Variants in PTK2 observed in about 807,000 individuals in gnomAD.
The protein encoded by PTK2 is protein tyrosine kinase 2.
In PTK2, 45 loss-of-function variants were observed where a neutral mutation model predicts 150.1. The observed-to-expected ratio is 0.30, with a 90% CI of 0.24 to 0.38. The LOEUF (loss-of-function observed/expected upper bound fraction) is 0.38, where lower values mean the gene tolerates loss of function less well. Among genes scored for constraint, PTK2 ranks in the 10% least tolerant of loss-of-function variants. The pLI is 1.00. For synonymous variants in PTK2, 432 were observed against 449.2 expected, an observed-to-expected ratio of 0.96 and a Z score of 0.48; for missense variants, 919 against 1,307.3, an observed-to-expected ratio of 0.70 and a Z score of 4.58.
At position 140,752,327 on chromosome 8, in the gene PTK2, G is replaced by A. The variant is rs2100063235; in HGVS notation, c.1333-11C>T. ...CAAAGCTGGATTCTCCTGTGTTAGG[G>A]AAATTATAGAATCACACACACATGC... On this transcript the variant is annotated splice_polypyrimidine_tract_variant and intron_variant, in intron 16 of 31. Coordinates refer to ENST00000522684, the Ensembl canonical transcript of PTK2. 1.2e-6 allele frequency: 2 copies of A among 1,609,434 alleles called. No individual in the cohort carries two copies. Among genetic ancestry groups the A allele is most frequent in the South Asian group, 1.1e-5 (1 of 90,942 alleles).
intron 23 of PTK2, among the ~76,000 whole-genome samples, chr8:140,709,913 T>A (rs560180775): frequency 6.6e-6 from 1 of 152,224 alleles, no homozygotes; most frequent in Admixed American, 6.5e-5. Context: ...CAGCCCTCCA[T>A]ATCCAAAGGC....
intron 27 of PTK2, among the ~76,000 whole-genome samples, chr8:140,676,413 A>AATAAATTAATTAATTAATTAATTAAT (rs1554666252): frequency 1.0e-5 from 1 of 99,414 alleles, no homozygotes; most frequent in Non-Finnish European, 1.9e-5. Flanking sequence ...TTAATTAATT[A>AATAAATTAATTAATTAATTAATTAAT]ATATATATAT....
At chr8:140,792,682 GAGA>G (rs772178229) in intron 13 of PTK2, among the ~76,000 whole-genome samples, 16 of 152,306 alleles carry the variant, frequency 1.1e-4, no homozygotes, top group Non-Finnish European at 1.6e-4. Context: ...ACTGGCTATG[GAGA>G]AGAAGGAGAG....
intron 26 of PTK2, among the ~76,000 whole-genome samples, chr8:140,697,797 G>C (rs1238762313): frequency 2.1e-5 from 3 of 141,976 alleles, no homozygotes; most frequent in Non-Finnish European, 4.5e-5. Context: ...AGACATTTTA[G>C]ATAATATATT....
intron 1 of PTK2, among the ~76,000 whole-genome samples, chr8:140,979,493 A>C (rs2100190589): frequency 6.6e-6 from 1 of 152,164 alleles, no homozygotes; most frequent in Non-Finnish European, 1.5e-5. Context: ...CATCATTACT[A>C]ATAAGGGAAG....
chr8:140,754,123 C>T (rs115120439), intron 16 of PTK2, among the ~76,000 whole-genome samples: 6 of 152,176 alleles, frequency 3.9e-5, no homozygotes, highest in East Asian at 3.8e-4. Flanking sequence ...ACTGTATCAT[C>T]GACTCAGGGA....
intron 4 of PTK2, among the ~76,000 whole-genome samples, chr8:140,874,153 C>T (rs1025480742): frequency 6.6e-6 from 1 of 152,172 alleles, no homozygotes; most frequent in African/African-American, 2.4e-5. Context: ...CTCCCAGTGA[C>T]ATGTCATGAC....
chr8:140,820,076 GTTTTTTT>G (rs370537018), intron 8 of PTK2, among the ~76,000 whole-genome samples: 9 of 50,194 alleles, frequency 1.8e-4, no homozygotes, highest in Non-Finnish European at 3.3e-4. Flanking sequence ...TCTGACTTTG[GTTTTTTT>G]TTTTTTTTTT....
At chr8:140,995,083 CAAA>C (rs35987927) in intron 1 of PTK2, among the ~76,000 whole-genome samples, 17 of 122,284 alleles carry the variant, frequency 1.4e-4, no homozygotes, top group African/African-American at 3.8e-4. Flanking sequence ...AACTCTGTCT[CAAA>C]AAAAAAAAAA....
intron 19 of PTK2, 111 bp from the exon 23 acceptor site, chr8:140,743,441 G>A (rs2154458460): frequency 1.6e-6 from 1 of 634,788 alleles, no homozygotes; most frequent in South Asian, 2.4e-5. Flanking sequence ...TATATACAAT[G>A]CGAGCAGATT....
chr8:140,689,055 T>C (rs1391142482), intron 26 of PTK2, among the ~76,000 whole-genome samples: 2 of 152,078 alleles, frequency 1.3e-5, no homozygotes, highest in African/African-American at 4.8e-5. Context: ...ACTTCTAGGA[T>C]AGAATCTTCT....
At chr8:140,978,789 C>T (rs905271398) in intron 1 of PTK2, among the ~76,000 whole-genome samples, 1 of 133,336 alleles carries the variant, frequency 7.5e-6, no homozygotes, top group Admixed American at 7.4e-5. Context: ...ATAAATCATG[C>T]TGCTATAAAG....
At chr8:140,792,835 C>G (rs1355342492) in intron 13 of PTK2, among the ~76,000 whole-genome samples, 1 of 152,172 alleles carries the variant, frequency 6.6e-6, no homozygotes, top group Non-Finnish European at 1.5e-5. Flanking sequence ...ACCTATGTAT[C>G]TGATTGTTTA....
At chr8:140,996,782 C>T (rs531352043) in intron 1 of PTK2, among the ~76,000 whole-genome samples, 3 of 152,342 alleles carry the variant, frequency 2.0e-5, no homozygotes, top group African/African-American at 7.2e-5. Flanking sequence ...GGCCAAGTAC[C>T]TGTTGTCCAA....
intron 1 of PTK2, among the ~76,000 whole-genome samples, chr8:140,936,338 C>T (rs997519883): frequency 2.0e-5 from 3 of 152,118 alleles, no homozygotes; most frequent in Middle Eastern, 3.2e-3. Flanking sequence ...GATAAATCAA[C>T]GTCATCCTAA....
At chr8:140,905,340 C>T (rs973226469) in intron 2 of PTK2, among the ~76,000 whole-genome samples, 2 of 130,710 alleles carry the variant, frequency 1.5e-5, no homozygotes, top group African/African-American at 5.0e-5. Flanking sequence ...ATTTACCAAG[C>T]ACATGGAAAG....
intron 1 of PTK2, among the ~76,000 whole-genome samples, chr8:140,940,979 T>C (rs1022209339): frequency 6.6e-6 from 1 of 151,800 alleles, no homozygotes; most frequent in Non-Finnish European, 1.5e-5. Flanking sequence ...TCAAAAAAAA[T>C]TTTTTTAATT....
intron 14 of PTK2, chr8:140,765,075 C>T (rs976934721): frequency 8.5e-5 from 13 of 152,182 alleles, no homozygotes; most frequent in African/African-American, 2.9e-4. Flanking sequence ...AACACCTATA[C>T]TGAAAAAATC....
intron 1 of PTK2, among the ~76,000 whole-genome samples, chr8:140,973,392 T>G (rs2100188095): frequency 6.6e-6 from 1 of 152,164 alleles, no homozygotes; most frequent in Non-Finnish European, 1.5e-5. Context: ...CTGGGTTATT[T>G]ACTTACTCAT....
Sources: allele counts gnomAD v4.1 joint callset (sites outside exome capture counted in the v4.1 genomes callset), GRCh38; gene constraint gnomAD v4.1.1; transcripts MANE v1.5; gene names NCBI Gene and HGNC (gene_info 2026-07-23, HGNC 2026-07-21).